MFHAS1: variants seen among roughly 807,000 people sequenced by gnomAD.
The protein encoded by MFHAS1 is multifunctional ROCO family signaling regulator 1.
Under a neutral mutation model 70.4 loss-of-function variants are expected in MFHAS1, and 50 were observed. That is an observed-to-expected ratio of 0.71 (90% CI 0.57 to 0.90). The LOEUF is 0.90. Ranked by LOEUF, MFHAS1 falls within the 40% of genes least tolerant of loss-of-function variation. MFHAS1 has a pLI of 0.00. For missense variants in MFHAS1, 1,795 were observed against 1,347.6 expected (o/e 1.33, Z -5.20); for synonymous variants, 952 against 620.0 (o/e 1.54, Z -7.96).
At chr8:8,787,322 C>T (rs930933225) in intron 2 of MFHAS1, among the ~76,000 whole-genome samples, 5 of 152,056 alleles carry the variant, frequency 3.3e-5, no homozygotes, top group Non-Finnish European at 7.4e-5. Context: ...CCTCATGATC[C>T]GCCCACCTTG....
intron 1 of MFHAS1, among the ~76,000 whole-genome samples, chr8:8,842,310 T>A (rs1807862809): frequency 6.6e-6 from 1 of 151,982 alleles, no homozygotes; most frequent in African/African-American, 2.4e-5. Context: ...CTCAGCCTCC[T>A]GAGTAGCTAG....
chr8:8,806,265 T>C (rs1248507164), intron 1 of MFHAS1, among the ~76,000 whole-genome samples: 1 of 152,128 alleles, frequency 6.6e-6, no homozygotes, highest in Non-Finnish European at 1.5e-5. Flanking sequence ...CAAGTGTCCA[T>C]TACAACACTG....
rs112626794 is a variant in MFHAS1, at chr8:8,797,150, T to TTAA, written c.3125+214_3125+215insTTA. Among the ~76,000 whole-genome samples the TTAA allele has an allele frequency of 1.2e-3, 167 of 141,518 alleles. 1 individual carries two copies. Among genetic ancestry groups the TTAA allele is most frequent in the African/African-American group, 4.3e-3 (164 of 37,942 alleles). 92.8% of individuals were successfully genotyped at this position (141,518 alleles called of 152,430 possible). ...AATGTTCTGACTTTATTAGCTAAAG[T>TTAA]AAAAAAAAAAAAAAAAATCACAAAA... is the stretch of plus-strand genomic sequence containing the variant. On this transcript the variant is annotated intron_variant, in intron 2 of 2. Transcript: ENST00000276282.
chr8:8,829,833 T>C (rs1339571237), intron 1 of MFHAS1, among the ~76,000 whole-genome samples: 1 of 152,070 alleles, frequency 6.6e-6, no homozygotes, highest in Non-Finnish European at 1.5e-5. Context: ...AAAAGAGACT[T>C]GAACAGAACT....
chr8:8,852,568 G>A (rs1808288329), intron 1 of MFHAS1, among the ~76,000 whole-genome samples: 1 of 152,060 alleles, frequency 6.6e-6, no homozygotes, highest in African/African-American at 2.4e-5. Flanking sequence ...AAAACCAATG[G>A]GAGGATTTTA....
At chr8:8,866,721 T>C (rs1298176485) in intron 1 of MFHAS1, among the ~76,000 whole-genome samples, 2 of 152,192 alleles carry the variant, frequency 1.3e-5, no homozygotes, top group East Asian at 1.9e-4. Flanking sequence ...TAAACAGTGA[T>C]TGACTCACTT....
At chr8:8,789,557 G>A (rs73201840) in intron 2 of MFHAS1, among the ~76,000 whole-genome samples, 2 of 151,848 alleles carry the variant, frequency 1.3e-5, no homozygotes, top group Non-Finnish European at 2.9e-5. Context: ...AAATTATGAC[G>A]CAAGGTACCG....
intron 1 of MFHAS1, among the ~76,000 whole-genome samples, chr8:8,883,739 C>A (rs1585071880): frequency 7.5e-6 from 1 of 134,018 alleles, no homozygotes; most frequent in African/African-American, 3.0e-5. Context: ...AAAGAAAGGG[C>A]TCCCATGGAT....
intron 1 of MFHAS1, among the ~76,000 whole-genome samples, chr8:8,849,005 T>TAGCA (rs1008551201): frequency 6.7e-6 from 1 of 150,202 alleles, no homozygotes; most frequent in Non-Finnish European, 1.5e-5. Context: ...TTCCTCCCAC[T>TAGCA]AGCAGGGTAA....
At chr8:8,809,934 C>T (rs6993494) in intron 1 of MFHAS1, among the ~76,000 whole-genome samples, 100,746 of 152,158 alleles carry the variant, frequency 0.66, 34,189 homozygotes, top group East Asian at 0.84. Context: ...AACGTTCTCT[C>T]CCCAACATTC....
intron 1 of MFHAS1, among the ~76,000 whole-genome samples, chr8:8,868,777 A>T (rs1370060939): frequency 1.3e-5 from 2 of 152,164 alleles, no homozygotes; most frequent in Admixed American, 1.3e-4. Context: ...GCAACCTTAC[A>T]ACTGGCTTCC....
At chr8:8,836,537 C>G (rs1045572342) in intron 1 of MFHAS1, among the ~76,000 whole-genome samples, 6 of 152,148 alleles carry the variant, frequency 3.9e-5, no homozygotes, top group Admixed American at 6.5e-5. Flanking sequence ...CACCACCACA[C>G]CCAGCCAATT....
intron 2 of MFHAS1, 75 bp from the exon 3 acceptor site, chr8:8,786,130 G>C (rs371098247): frequency 6.9e-6 from 9 of 1,310,614 alleles, no homozygotes; most frequent in Non-Finnish European, 1.1e-6. Context: ...ATAAGAAAAG[G>C]AAGTGATGAT....
Position 8,893,605 on chromosome 8 carries a change from C to T in MFHAS1, c.-547G>A, listed in dbSNP as rs1585081353. The T allele has an allele frequency of 1.4e-5, 2 of 146,792 alleles. No homozygotes were observed. Among genetic ancestry groups the T allele is most frequent in the South Asian group, 4.2e-4 (2 of 4,814 alleles). The allele number at this position is 146,792 out of a possible 1,614,324, so 9.1% of individuals were successfully genotyped here. A position where few individuals can be genotyped will look rare whatever the true frequency, so the allele number is the denominator to read the frequency against. ...GAGCGCGGGCGCCGCGTCCCCGGCGCTGGGAGGGCGCGATTGGGAAGCGGC... is the reference window on the plus strand; with the variant it reads ...GAGCGCGGGCGCCGCGTCCCCGGCGTTGGGAGGGCGCGATTGGGAAGCGGC... On this transcript the variant is annotated 5_prime_UTR_variant, in exon 1 of 3. Transcript: ENST00000276282.
intron 1 of MFHAS1, among the ~76,000 whole-genome samples, chr8:8,824,521 TCACACACACACACACACA>T (rs57194505): frequency 6.8e-4 from 100 of 146,020 alleles, no homozygotes; most frequent in African/African-American, 2.4e-3. Context: ...TCTCTCTCTT[TCACACACACACACACACA>T]CACACACACA....
At chr8:8,807,415 C>T (rs1053552550) in intron 1 of MFHAS1, among the ~76,000 whole-genome samples, 1 of 152,158 alleles carries the variant, frequency 6.6e-6, no homozygotes, top group South Asian at 2.1e-4. Context: ...TCCTCACTTA[C>T]TGCCTCTCAA....
chr8:8,793,213 G>C (rs1009319916), intron 2 of MFHAS1, among the ~76,000 whole-genome samples: 1 of 152,006 alleles, frequency 6.6e-6, no homozygotes, highest in Non-Finnish European at 1.5e-5. Flanking sequence ...CTTATTCTCT[G>C]TCTCTCCCCA....
At chr8:8,791,155 T>C (rs1805708283) in intron 2 of MFHAS1, among the ~76,000 whole-genome samples, 1 of 149,522 alleles carries the variant, frequency 6.7e-6, no homozygotes, top group African/African-American at 2.5e-5. Context: ...CTAATTCTGT[T>C]AACACATGAT....
At chr8:8,829,461 A>G (rs1339348426) in intron 1 of MFHAS1, among the ~76,000 whole-genome samples, 1 of 152,182 alleles carries the variant, frequency 6.6e-6, no homozygotes, top group Non-Finnish European at 1.5e-5. Flanking sequence ...TGGGTAGATC[A>G]CTTGAGGTCA....
Sources: gnomAD v4.1 joint callset for allele counts (sites outside exome capture counted in the v4.1 genomes callset) on GRCh38, gnomAD v4.1.1 for gene constraint, MANE v1.5 for transcripts, NCBI Gene and HGNC (gene_info 2026-07-23, HGNC 2026-07-21) for gene names.